The following SQLE variants were observed in gnomAD, a reference collection of about 807,000 sequenced individuals.
The protein encoded by SQLE is squalene monooxygenase.
Under a neutral mutation model 60.7 loss-of-function variants are expected in SQLE, and 29 were observed. That is an observed-to-expected ratio of 0.48 (90% CI 0.36 to 0.65). SQLE has a LOEUF of 0.65. Ranked by LOEUF, SQLE falls within the 30% of genes least tolerant of loss-of-function variation. The pLI is 0.00. For synonymous variants in SQLE, 237 were observed against 246.8 expected (o/e 0.96, Z 0.37); for missense variants, 605 against 684.1 (o/e 0.88, Z 1.29).
Position 125,018,182 on chromosome 8 carries a change from A to T in SQLE, c.1328A>T (p.Asp443Val), listed in dbSNP as rs571774159. The change falls in exon 8 of 11, where the codon GAT becomes GTT. Residue 443 changes from aspartate to valine, a missense_variant. By Grantham distance (152) the Asp-to-Val change is radical. Transcript: ENST00000265896. ...KLLKGIPDLY[D>V]DAAIFEAKKS... is the part of the protein sequence containing the mutation. The stretch of plus-strand genomic sequence containing the variant: ...CTAAAGGGTATCCCTGACCTTTATG[A>T]TGATGCAGCTATTTTCGAGGTAAGA... 6.2e-7 allele frequency: 1 copy of T among 1,604,744 alleles called. No homozygotes were observed. Among genetic ancestry groups the T allele is most frequent in the South Asian group, 1.1e-5 (1 of 88,824 alleles).
intron 2 of SQLE, 63 bp from the exon 3 acceptor site, chr8:125,005,462 G>T (rs1311911321): frequency 2.1e-6 from 3 of 1,400,306 alleles, no homozygotes; most frequent in Non-Finnish European, 2.9e-6. Flanking sequence ...GTCTTCTTTG[G>T]TTCTTAGTTT....
In SQLE at chr8:124,999,569, C is replaced by T. The variant is rs1282548886; in HGVS notation, c.166C>T (p.Arg56Cys). 1.2e-6 allele frequency: 2 copies of T among 1,613,408 alleles called. No homozygotes were observed. The highest frequency in any genetic ancestry group is 1.1e-5 in the South Asian group (1 of 90,924). The stretch of plus-strand genomic sequence containing the variant: ...CCACCGAAACGGGGGTCTCCTCGGG[C>T]GCCAGCAGAGCGGCTCCCAGTTCGC... ...CRHRNGGLLG[R>C]QQSGSQFALF... The change falls in exon 1 of 11, where the codon CGC (arginine) becomes TGC (cysteine). Residue 56 changes from arginine to cysteine, a missense_variant. Coordinates refer to ENST00000265896, the MANE Select transcript of SQLE (RefSeq NM_003129.4).
At chr8:125,006,558 T>A (rs1362102952) in intron 3 of SQLE, among the ~76,000 whole-genome samples, 1 of 145,530 alleles carries the variant, frequency 6.9e-6, no homozygotes, top group Non-Finnish European at 1.5e-5. Context: ...GAGGTGGAGG[T>A]TGCAGTGAGC....
Position 125,009,155 on chromosome 8 carries a change from CTTT to C in SQLE, c.937-14_937-12del, listed in dbSNP as rs775671093. 1.3e-6 allele frequency: 2 copies of C among 1,572,582 alleles called. No homozygotes were observed. The highest frequency in any genetic ancestry group is 2.0e-5 in the Admixed American group (1 of 51,218). On this transcript the variant is annotated splice_polypyrimidine_tract_variant and intron_variant, in intron 5 of 10. Transcript: ENST00000265896. ...AATTTGAAAATTATTAAAACATTTTCTTTTTATTTGTTTTAGAATGCACCACAG... is the reference window on the plus strand; with the variant it reads ...AATTTGAAAATTATTAAAACATTTTCTTATTTGTTTTAGAATGCACCACAG...
intron 7 of SQLE, among the ~76,000 whole-genome samples, chr8:125,013,372 G>A (rs1815067434): frequency 1.5e-5 from 1 of 64,958 alleles, no homozygotes; most frequent in African/African-American, 1.4e-4. Flanking sequence ...TTTTTTTTGA[G>A]ATGGAGTTTC....
At chr8:125,006,897 G>GA (rs1263182372) in intron 3 of SQLE, among the ~76,000 whole-genome samples, 1 of 151,924 alleles carries the variant, frequency 6.6e-6, no homozygotes, top group Non-Finnish European at 1.5e-5. Flanking sequence ...TAGAGACGGG[G>GA]TTTCACCATG....
Position 125,016,696 on chromosome 8 carries a change from T to C in SQLE, c.1205-1363T>C, listed in dbSNP as rs1226545732. ...CACCAATGTCTGGGCATTGATGAGT[T>C]AGGTATTTATTGTGGTCTTCGGAGT... is the stretch of plus-strand genomic sequence containing the variant. On this transcript the variant is annotated intron_variant, in intron 7 of 10. Coordinates refer to ENST00000265896, the MANE Select transcript of SQLE (RefSeq NM_003129.4). This position sits in a 1 kb window ranked among gnomAD's most constrained non-coding sequence, Gnocchi z 4.1. Among the ~76,000 whole-genome samples, 1 of 152,122 alleles carries C rather than the reference T, an allele frequency of 6.6e-6. No homozygotes were observed. Among genetic ancestry groups the C allele is most frequent in the East Asian group, 1.9e-4 (1 of 5,184 alleles).
intron 1 of SQLE, among the ~76,000 whole-genome samples, chr8:125,001,449 G>GGTGTGTGTGTGTGTGTGTGTGT (rs57946751): frequency 5.8e-5 from 8 of 137,022 alleles, no homozygotes; most frequent in South Asian, 2.5e-4. Context: ...CTCCTTTCAG[G>GGTGTGTGTGTGTGTGTGTGTGT]GTGTGTGTGT....
chr8:125,011,716 C>T, intron 7 of SQLE, 84 bp downstream of exon 7: 4 of 1,174,492 alleles, frequency 3.4e-6, no homozygotes, highest in Non-Finnish European at 4.9e-6. Flanking sequence ...TTACGAATAA[C>T]TTCTGGGACA....
chr8:125,017,516 A>G (rs766686005), intron 7 of SQLE, among the ~76,000 whole-genome samples: 14 of 151,900 alleles, frequency 9.2e-5, no homozygotes, highest in African/African-American at 2.2e-4. Flanking sequence ...CTTCAGTACA[A>G]TGGGCTCCCC....
intron 1 of SQLE, among the ~76,000 whole-genome samples, chr8:125,001,282 G>A (rs1257021439): frequency 6.6e-6 from 1 of 152,070 alleles, no homozygotes; most frequent in Non-Finnish European, 1.5e-5. Context: ...TGGGTTACCA[G>A]CAATCAATAT....
intron 1 of SQLE, among the ~76,000 whole-genome samples, chr8:125,000,963 G>C (rs1814837258): frequency 6.6e-6 from 1 of 152,132 alleles, no homozygotes; most frequent in Admixed American, 6.5e-5. Context: ...CATTAGACGG[G>C]AATGGCACCA....
intron 1 of SQLE, among the ~76,000 whole-genome samples, chr8:125,002,334 CAT>C (rs1298196234): frequency 6.6e-6 from 1 of 151,960 alleles, no homozygotes; most frequent in Non-Finnish European, 1.5e-5. Flanking sequence ...ATTAAATTAA[CAT>C]AGATTTTTCA....
At chr8:125,004,415 G>A (rs1814913597) in intron 2 of SQLE, among the ~76,000 whole-genome samples, 2 of 152,132 alleles carry the variant, frequency 1.3e-5, no homozygotes, top group East Asian at 1.9e-4. Flanking sequence ...ATCGAAGGAT[G>A]CTAATTTCTT....
In SQLE at chr8:125,003,449, A is replaced by G. The variant is rs192530361; in HGVS notation, c.544+21A>G. The G allele has an allele frequency of 5.0e-6, 8 of 1,611,946 alleles. No homozygotes were observed. In the African/African-American group the frequency reaches 6.7e-5, roughly 13 times the overall value. ...TGGAGGTAGGTTCATATTGATTTTC[A>G]GGAGAGTTACGTGGTATGAACAAGC... On this transcript the variant is annotated intron_variant, in intron 2 of 10. Transcript: ENST00000265896.
In SQLE at chr8:124,999,118, G is replaced by A. The variant is rs944343956; in HGVS notation, c.-286G>A. The A allele has an allele frequency of 2.8e-6, 1 of 360,436 alleles. No individual in the cohort carries two copies. The highest frequency in any genetic ancestry group is 4.9e-6 in the Non-Finnish European group (1 of 203,116). The allele number at this position is 360,436 out of a possible 1,614,324, so 22.3% of individuals were successfully genotyped here. A position where few individuals can be genotyped will look rare whatever the true frequency, so the allele number is the denominator to read the frequency against. ...AAAAAAGAAAAAAAGGGAATATCTG[G>A]ATTTCCTGGGCGAGGAGGAGCGAGT... On this transcript the variant is annotated 5_prime_UTR_variant, in exon 1 of 11. Transcript: ENST00000265896.
At position 125,007,420 on chromosome 8, in the gene SQLE, A is replaced by G. The variant is rs1272116734; in HGVS notation, c.755A>G (p.Gln252Arg). 6.4e-7 allele frequency: 1 copy of G among 1,556,148 alleles called. No homozygotes were observed. The highest frequency in any genetic ancestry group is 2.4e-5 in the East Asian group (1 of 41,820). ...NAKFIEGVVL[Q>R]LLEEDDVVMG... ...AAGTTTATTGAAGGTGTTGTGTTACAGTTATTAGAGGAAGATGATGTTGTG... is the reference window on the plus strand; with the variant it reads ...AAGTTTATTGAAGGTGTTGTGTTACGGTTATTAGAGGAAGATGATGTTGTG... Residue 252 changes from glutamine (Q) to arginine (R), a missense_variant, in exon 4 of 11, where the codon CAG becomes CGG. By Grantham distance (43) the Gln-to-Arg change is conservative. Transcript: ENST00000265896.
intron 1 of SQLE, chr8:124,999,958 T>A: frequency 1.6e-6 from 1 of 635,918 alleles, no homozygotes; most frequent in Non-Finnish European, 2.9e-6. Flanking sequence ...GAACGAAATG[T>A]TAGAATTTCA....
At position 125,007,413 on chromosome 8, in the gene SQLE, G is replaced by A. The variant is rs1814969853; in HGVS notation, c.748G>A (p.Val250Met). The change falls in exon 4 of 11, where the codon GTG becomes ATG. Residue 250 changes from valine (V) to methionine (M), a missense_variant. Val to Met is a conservative substitution (Grantham distance 21, BLOSUM62 1). Coordinates refer to ENST00000265896, the MANE Select transcript of SQLE (RefSeq NM_003129.4). ...EPNAKFIEGV[V>M]LQLLEEDDVV... The stretch of plus-strand genomic sequence containing the variant: ...TAGTGCAAAGTTTATTGAAGGTGTT[G>A]TGTTACAGTTATTAGAGGAAGATGA... 9.0e-6 allele frequency: 14 copies of A among 1,555,082 alleles called. No individual in the cohort carries two copies. Among genetic ancestry groups the A allele is most frequent in the Non-Finnish European group, 1.2e-5 (14 of 1,148,556 alleles).
Sources: gnomAD v4.1 joint callset for allele counts (sites outside exome capture counted in the v4.1 genomes callset) on GRCh38, gnomAD v4.1.1 for gene constraint, Gnocchi (gnomAD v3.1) non-coding constraint, MANE v1.5 for transcripts, NCBI Gene and HGNC (gene_info 2026-07-23, HGNC 2026-07-21) for gene names.